RYR2: variants seen among roughly 807,000 people sequenced by gnomAD.
RYR2 encodes ryanodine receptor 2.
RYR2 carries 227 observed loss-of-function variants against 601.1 expected under a neutral mutation model. The observed-to-expected ratio is 0.38, with a 90% CI of 0.34 to 0.42. The LOEUF (loss-of-function observed/expected upper bound fraction) is 0.42. Among genes scored for constraint, RYR2 ranks in the 10% least tolerant of loss-of-function variants. The pLI is 1.00. For synonymous variants in RYR2, 2,223 were observed against 2,175.1 expected (o/e 1.02, Z -0.61); for missense variants, 4,646 against 6,156.5 (o/e 0.75, Z 8.21).
In RYR2 at chr1:237,746,419, A is replaced by G. The variant is rs1293973824; in HGVS notation, c.11145+4070A>G. On this transcript the variant is annotated intron_variant, in intron 80 of 104. Coordinates refer to ENST00000366574, the MANE Select transcript of RYR2 (RefSeq NM_001035.3). The stretch of plus-strand genomic sequence containing the variant: ...AAGTCATTGAGAAGAGAAACGAAGT[A>G]GGTAAAAAGAAAAGTGCTATTATAG... 2.6e-5 allele frequency among the ~76,000 whole-genome samples: 4 copies of G among 152,166 alleles called. No individual in the cohort carries two copies. The South Asian group carries it at 6.2e-4, about 24-fold the overall frequency.
At chr1:237,049,949 T>C (rs1661045309) in intron 1 of RYR2, among the ~76,000 whole-genome samples, 2 of 152,212 alleles carry the variant, frequency 1.3e-5, no homozygotes, top group Admixed American at 1.3e-4. Context: ...TTTCTGGGGT[T>C]TCCCAGAATG....
chr1:237,493,747 C>T (rs1405875434), intron 19 of RYR2, among the ~76,000 whole-genome samples: 1 of 152,200 alleles, frequency 6.6e-6, no homozygotes, highest in Non-Finnish European at 1.5e-5. Flanking sequence ...CCACTGCGCC[C>T]AGCCCCTTCA....
intron 1 of RYR2, among the ~76,000 whole-genome samples, chr1:237,207,178 G>A (rs1277158494): frequency 6.6e-6 from 1 of 151,840 alleles, no homozygotes; most frequent in African/African-American, 2.4e-5. Context: ...TAATTCAGGG[G>A]TTGCCAATGC....
chr1:237,213,265 C>A (rs1286274649), intron 1 of RYR2, among the ~76,000 whole-genome samples: 2 of 151,976 alleles, frequency 1.3e-5, no homozygotes, highest in East Asian at 3.9e-4. Context: ...GTAGCATCAA[C>A]CTCCTGGGCT....
chr1:237,806,572 C>T (rs1324160773), intron 99 of RYR2, among the ~76,000 whole-genome samples: 1 of 152,098 alleles, frequency 6.6e-6, no homozygotes, highest in African/African-American at 2.4e-5. Flanking sequence ...TTAACACAGC[C>T]CCTGGCCCAT....
intron 44 of RYR2, among the ~76,000 whole-genome samples, chr1:237,636,614 C>T (rs1680899960): frequency 6.6e-6 from 1 of 152,202 alleles, no homozygotes; most frequent in South Asian, 2.1e-4. Context: ...AGCAGTTTGG[C>T]AGTTCCTTAA....
At chr1:237,632,913 AG>A (rs1273310820) in intron 42 of RYR2, among the ~76,000 whole-genome samples, 1 of 152,198 alleles carries the variant, frequency 6.6e-6, no homozygotes, top group African/African-American at 2.4e-5. Flanking sequence ...CAGGCTTAGA[AG>A]GATATCATAA....
chr1:237,780,445 T>TAGAA (rs377765445), intron 88 of RYR2, among the ~76,000 whole-genome samples: 10 of 152,318 alleles, frequency 6.6e-5, no homozygotes, highest in African/African-American at 2.4e-4. Flanking sequence ...AACAGCTATT[T>TAGAA]AGAAAGAAAA....
At chr1:237,070,112 C>G (rs1037372418) in intron 1 of RYR2, among the ~76,000 whole-genome samples, 4 of 150,236 alleles carry the variant, frequency 2.7e-5, no homozygotes, top group African/African-American at 4.9e-5. Flanking sequence ...CTCACTGCAG[C>G]CTTGACCTCC....
chr1:237,465,550 A>G (rs1015136293), intron 16 of RYR2, among the ~76,000 whole-genome samples: 2 of 152,192 alleles, frequency 1.3e-5, no homozygotes, highest in Non-Finnish European at 2.9e-5. Flanking sequence ...TGCAAACATC[A>G]TGGAACTTAC....
intron 88 of RYR2, among the ~76,000 whole-genome samples, chr1:237,779,245 G>GA (rs1694904111): frequency 6.6e-6 from 1 of 152,154 alleles, no homozygotes; most frequent in African/African-American, 2.4e-5. Flanking sequence ...TTGTGACAGA[G>GA]AAAAAGTAGC....
rs995660073 is a variant in RYR2 at position 237,787,867 on chromosome 1, A to T, written c.13329-121A>T. The T allele has an allele frequency of 7.6e-6, 7 of 915,880 alleles. No individual in the cohort carries two copies. In the African/African-American group the frequency reaches 1.2e-4, roughly 15 times the overall value. The allele number at this position is 915,880 out of a possible 1,614,324, so 56.7% of individuals were successfully genotyped here. On this transcript the variant is annotated intron_variant, in intron 91 of 104. Transcript: ENST00000366574. Reference sequence around the variant, plus strand: ...GAATATTATCATTCACCGGAAAAGAAATTAGTTTTCAAAAGTAATATGATG... The same window carrying T: ...GAATATTATCATTCACCGGAAAAGATATTAGTTTTCAAAAGTAATATGATG...
chr1:237,733,619 C>T, intron 78 of RYR2, 86 bp from the exon 79 acceptor site: 1 of 850,082 alleles, frequency 1.2e-6, no homozygotes, highest in Non-Finnish European at 2.0e-6. Context: ...AGAAAAAGAA[C>T]AAAGGTTATT....
intron 25 of RYR2, among the ~76,000 whole-genome samples, chr1:237,537,418 G>T (rs1216080421): frequency 6.6e-6 from 1 of 151,934 alleles, no homozygotes; most frequent in Non-Finnish European, 1.5e-5. Flanking sequence ...CCGCCTCCCG[G>T]GTTCAAGCAA....
intron 16 of RYR2, among the ~76,000 whole-genome samples, chr1:237,462,222 T>C (rs958458303): frequency 6.6e-6 from 1 of 152,208 alleles, no homozygotes; most frequent in African/African-American, 2.4e-5. Context: ...TGGGGTTATA[T>C]GTGAAATAAG....
chr1:237,152,968 A>C (rs1311546520), intron 1 of RYR2, among the ~76,000 whole-genome samples: 1 of 152,156 alleles, frequency 6.6e-6, no homozygotes, highest in Non-Finnish European at 1.5e-5. Flanking sequence ...TAAGAAAAGA[A>C]AACCCCATCA....
At chr1:237,284,733 T>C (rs1400031496) in intron 2 of RYR2, among the ~76,000 whole-genome samples, 1 of 150,416 alleles carries the variant, frequency 6.6e-6, no homozygotes, top group South Asian at 2.1e-4. Flanking sequence ...GCACAGTTTC[T>C]TTATCCACTT....
At chr1:237,308,582 A>G (rs936261976) in intron 2 of RYR2, among the ~76,000 whole-genome samples, 4 of 152,074 alleles carry the variant, frequency 2.6e-5, no homozygotes, top group Non-Finnish European at 5.9e-5. Context: ...GTGTGTCCAG[A>G]GTTTGTTCTT....
At chr1:237,104,437 A>C (rs1003850733) in intron 1 of RYR2, among the ~76,000 whole-genome samples, 2 of 152,120 alleles carry the variant, frequency 1.3e-5, no homozygotes, top group Non-Finnish European at 2.9e-5. Flanking sequence ...AGGCCAGCTC[A>C]GCACCTTTCC....
Sources: allele counts gnomAD v4.1 joint callset (sites outside exome capture counted in the v4.1 genomes callset), GRCh38; gene constraint gnomAD v4.1.1; transcripts MANE v1.5; gene names NCBI Gene and HGNC (gene_info 2026-07-23, HGNC 2026-07-21).